Variants in LRFN5 observed in about 807,000 individuals in gnomAD.
LRFN5 encodes leucine-rich repeat and fibronectin type-III domain-containing protein 5.
In LRFN5, 24 loss-of-function variants were observed where a neutral mutation model predicts 45.6. That is an observed-to-expected ratio of 0.53 (90% confidence interval 0.38 to 0.74). LRFN5 has a LOEUF of 0.74. Ranked by LOEUF, LRFN5 falls within the 30% of genes least tolerant of loss-of-function variation. The pLI, the probability that LRFN5 is intolerant of heterozygous loss-of-function variation, is 0.00. For missense variants in LRFN5, 776 were observed against 861.5 expected, an observed-to-expected ratio of 0.90 and a Z score of 1.24; for synonymous variants, 340 against 313.8, an observed-to-expected ratio of 1.08 and a Z score of -0.88.
intron 1 of LRFN5, among the ~76,000 whole-genome samples, chr14:41,674,312 G>A (rs1230964128): frequency 7.3e-6 from 1 of 136,252 alleles, no homozygotes; most frequent in Non-Finnish European, 1.6e-5. Flanking sequence ...GGACGGGGCG[G>A]CTGGCCGGGC....
At chr14:41,732,585 A>G (rs192702444) in intron 1 of LRFN5, among the ~76,000 whole-genome samples, 35 of 152,282 alleles carry the variant, frequency 2.3e-4, no homozygotes, top group Admixed American at 1.8e-3. Context: ...AACAATCAAA[A>G]CGAAACATAA....
chr14:41,624,173 A>G (rs1006027651), intron 1 of LRFN5, among the ~76,000 whole-genome samples: 1 of 152,094 alleles, frequency 6.6e-6, no homozygotes, highest in Admixed American at 6.6e-5. Context: ...CATACTCCAT[A>G]TATTTCACTA....
chr14:41,798,530 A>C (rs938441351), intron 2 of LRFN5, among the ~76,000 whole-genome samples: 2 of 152,048 alleles, frequency 1.3e-5, no homozygotes, highest in African/African-American at 4.8e-5. Flanking sequence ...TTTACCATAG[A>C]GCTGGCAGAG....
chr14:41,666,149 A>G (rs1336063032), intron 1 of LRFN5, among the ~76,000 whole-genome samples: 1 of 152,052 alleles, frequency 6.6e-6, no homozygotes, highest in Non-Finnish European at 1.5e-5. Flanking sequence ...AGAGTTTTAA[A>G]AATTATCTTA....
chr14:41,782,745 AT>A (rs1328448859), intron 2 of LRFN5, among the ~76,000 whole-genome samples: 1 of 151,994 alleles, frequency 6.6e-6, no homozygotes, highest in Non-Finnish European at 1.5e-5. Flanking sequence ...CAGTGTACTT[AT>A]TTTTGTCCCT....
At chr14:41,861,656 A>G (rs1461104177) in intron 2 of LRFN5, among the ~76,000 whole-genome samples, 1 of 149,210 alleles carries the variant, frequency 6.7e-6, no homozygotes, top group Non-Finnish European at 1.5e-5. Flanking sequence ...AGTGATCAGC[A>G]AACGTTTGTT....
intron 1 of LRFN5, among the ~76,000 whole-genome samples, chr14:41,715,881 C>T (rs952118631): frequency 1.3e-5 from 2 of 152,322 alleles, no homozygotes; most frequent in East Asian, 1.9e-4. Context: ...CCACACTGCC[C>T]AAGCAGAGGT....
intron 1 of LRFN5, among the ~76,000 whole-genome samples, chr14:41,696,483 G>T (rs1351052251): frequency 6.7e-6 from 1 of 150,176 alleles, no homozygotes; most frequent in Non-Finnish European, 1.5e-5. Context: ...TATTGTCTAA[G>T]TTTAAGAAAT....
intron 2 of LRFN5, among the ~76,000 whole-genome samples, chr14:41,876,088 C>T (rs1386328382): frequency 2.0e-5 from 3 of 152,010 alleles, no homozygotes; most frequent in South Asian, 2.1e-4. Flanking sequence ...AATCTCACCC[C>T]GACTATGTCA....
At chr14:41,722,544 C>T (rs1883764481) in intron 1 of LRFN5, among the ~76,000 whole-genome samples, 1 of 149,710 alleles carries the variant, frequency 6.7e-6, no homozygotes, top group Non-Finnish European at 1.5e-5. Flanking sequence ...TTTTCTTTCT[C>T]TCCCTATAAT....
At chr14:41,616,589 A>C (rs1413926471) in intron 1 of LRFN5, among the ~76,000 whole-genome samples, 1 of 152,194 alleles carries the variant, frequency 6.6e-6, no homozygotes, top group Non-Finnish European at 1.5e-5. Flanking sequence ...ATATGAGGTT[A>C]TCTAATTCCT....
chr14:41,676,132 C>T (rs183401091), intron 1 of LRFN5, among the ~76,000 whole-genome samples: 1 of 152,134 alleles, frequency 6.6e-6, no homozygotes, highest in Admixed American at 6.5e-5. Context: ...GTTGCAGAAG[C>T]CATATTTCAG....
Position 41,891,934 on chromosome 14 carries a change from C to A in LRFN5, c.2070C>A (p.Pro690=). ...CTCCCGATTCTGTCACAGAGGGGCC[C>A]ACGTCTAAAAGAGCACATATAAAGC... ...SRPPDSVTEG[P]TSKRAHIKPN... Residue 690 remains proline, a synonymous_variant, in exon 4 of 6, where the codon CCC becomes CCA. Coordinates refer to ENST00000298119, the MANE Select transcript of LRFN5 (RefSeq NM_152447.5). The A allele has an allele frequency of 6.2e-7, 1 of 1,613,916 alleles. No individual in the cohort carries two copies. Among genetic ancestry groups the A allele is most frequent in the Non-Finnish European group, 8.5e-7 (1 of 1,179,998 alleles).
chr14:41,903,009 T>C (rs1412305613), intron 5 of LRFN5, among the ~76,000 whole-genome samples: 1 of 151,718 alleles, frequency 6.6e-6, no homozygotes, highest in Admixed American at 6.6e-5. Context: ...TTCAGTAGCT[T>C]TTTAAAAAGT....
At chr14:41,807,870 TA>T (rs1295516531) in intron 2 of LRFN5, among the ~76,000 whole-genome samples, 5 of 152,006 alleles carry the variant, frequency 3.3e-5, no homozygotes, top group Non-Finnish European at 7.4e-5. Context: ...ATTGGAAATG[TA>T]AAAAATAATT....
intron 5 of LRFN5, among the ~76,000 whole-genome samples, chr14:41,902,033 A>G (rs1186290438): frequency 6.6e-6 from 1 of 152,042 alleles, no homozygotes; most frequent in East Asian, 1.9e-4. Context: ...CTCCTTGCTT[A>G]GACATCCTAG....
intron 2 of LRFN5, among the ~76,000 whole-genome samples, chr14:41,852,340 A>G (rs940290329): frequency 1.3e-5 from 2 of 151,894 alleles, no homozygotes; most frequent in African/African-American, 4.8e-5. Context: ...TATCACTACC[A>G]TCAACATTAA....
chr14:41,773,991 G>T (rs919180661), intron 2 of LRFN5, among the ~76,000 whole-genome samples: 7 of 152,196 alleles, frequency 4.6e-5, no homozygotes, highest in Admixed American at 2.0e-4. Flanking sequence ...TCTGCCTGCT[G>T]TTAATGTTGG....
Position 41,784,697 on chromosome 14 carries a change from C to T in LRFN5, c.-21+17668C>T, listed in dbSNP as rs540043970. ...AGGCTGGAGTGCAATGGTGCAATCT[C>T]GGCTAACTGTAAGCTTCGCCTCCTG... On this transcript the variant is annotated intron_variant, in intron 2 of 5. Coordinates refer to ENST00000298119, the MANE Select transcript of LRFN5 (RefSeq NM_152447.5). Among the ~76,000 whole-genome samples the T allele has an allele frequency of 2.0e-3, 309 of 152,052 alleles. 2 individuals are homozygous for T. The highest frequency in any genetic ancestry group is 1.4e-3 in the Non-Finnish European group (95 of 67,964).
Sources: gnomAD v4.1 joint callset for allele counts (sites outside exome capture counted in the v4.1 genomes callset) on GRCh38, gnomAD v4.1.1 for gene constraint, MANE v1.5 for transcripts, NCBI Gene and HGNC (gene_info 2026-07-23, HGNC 2026-07-21) for gene names.